SYNPO2: variants seen among roughly 807,000 people sequenced by gnomAD.
SYNPO2 encodes the protein synaptopodin-2.
SYNPO2 carries 56 observed loss-of-function variants against 85.0 expected under a neutral mutation model. The ratio of observed to expected loss-of-function variants is 0.66; its 90% confidence interval spans 0.53 to 0.82. The LOEUF (loss-of-function observed/expected upper bound fraction) is 0.82. SYNPO2 is among the 40% of genes least tolerant of loss of function. The pLI is 0.00. For synonymous variants in SYNPO2, 602 were observed against 591.1 expected, an observed-to-expected ratio of 1.02 and a Z score of -0.27; for missense variants, 1,575 against 1,534.2, an observed-to-expected ratio of 1.03 and a Z score of -0.44.
intron 4 of SYNPO2, among the ~76,000 whole-genome samples, chr4:119,051,438 G>A (rs1284120523): frequency 7.3e-5 from 11 of 151,710 alleles, no homozygotes; most frequent in African/African-American, 1.7e-4. Context: ...TGATCCGCCC[G>A]CCTCGGCCTC....
rs1439192014 is a variant in SYNPO2, at chr4:118,945,633, AC to A, written c.105+56494del. On this transcript the variant is annotated intron_variant, in intron 1 of 4. Coordinates refer to ENST00000307142, the MANE Select transcript of SYNPO2 (RefSeq NM_133477.3). The stretch of plus-strand genomic sequence containing the variant: ...CAAAGTTTCATAACACAACATACCT[AC>A]CTCAAAACTAGGGTACTATATACAT... Among the ~76,000 whole-genome samples the A allele has an allele frequency of 9.2e-5, 14 of 152,298 alleles. No individual in the cohort carries two copies. The South Asian group carries it at 1.2e-3, about 14-fold the overall frequency.
intron 1 of SYNPO2, among the ~76,000 whole-genome samples, chr4:119,017,833 G>A (rs1461317695): frequency 6.6e-6 from 1 of 152,122 alleles, no homozygotes; most frequent in African/African-American, 2.4e-5. Flanking sequence ...ACAAAATTTA[G>A]TTCTGACAGC....
At chr4:118,992,784 C>T (rs1452730263) in intron 1 of SYNPO2, among the ~76,000 whole-genome samples, 1 of 152,140 alleles carries the variant, frequency 6.6e-6, no homozygotes, top group African/African-American at 2.4e-5. Context: ...GAGATCCTGA[C>T]CTGGCTCAGC....
intron 1 of SYNPO2, among the ~76,000 whole-genome samples, chr4:118,863,312 T>G (rs1731644848): frequency 6.6e-6 from 1 of 152,218 alleles, no homozygotes; most frequent in African/African-American, 2.4e-5. Context: ...GGAGGACTTT[T>G]TATTATGGCT....
At chr4:118,996,178 C>T (rs1736587933) in intron 1 of SYNPO2, among the ~76,000 whole-genome samples, 1 of 152,168 alleles carries the variant, frequency 6.6e-6, no homozygotes, top group South Asian at 2.1e-4. Context: ...CTTTGGTTCC[C>T]AGGTCATTTC....
At chr4:119,017,251 T>C (rs773537542) in intron 1 of SYNPO2, among the ~76,000 whole-genome samples, 3 of 152,130 alleles carry the variant, frequency 2.0e-5, no homozygotes, top group Non-Finnish European at 2.9e-5. Flanking sequence ...AGGACTGAGG[T>C]TGGTGTTTAG....
intron 1 of SYNPO2, among the ~76,000 whole-genome samples, chr4:118,970,396 T>C (rs1735493827): frequency 6.6e-6 from 1 of 152,218 alleles, no homozygotes; most frequent in South Asian, 2.1e-4. Context: ...CTGATCAAGA[T>C]CTATGACACA....
At chr4:118,892,472 T>A (rs1732408330) in intron 1 of SYNPO2, among the ~76,000 whole-genome samples, 1 of 152,186 alleles carries the variant, frequency 6.6e-6, no homozygotes, top group South Asian at 2.1e-4. Context: ...TGTGTGCAGA[T>A]AGCTTTACAA....
At chr4:118,905,826 G>A (rs996685348) in intron 1 of SYNPO2, among the ~76,000 whole-genome samples, 3 of 152,136 alleles carry the variant, frequency 2.0e-5, no homozygotes, top group South Asian at 2.1e-4. Context: ...CTGGAGCCAC[G>A]GTGGCAAGGG....
chr4:119,030,063 G>A lies in SYNPO2; in HGVS notation c.1288G>A (p.Glu430Lys), dbSNP rs1561001878. The A allele has an allele frequency of 2.5e-6, 4 of 1,614,176 alleles. No homozygotes were observed. The highest frequency in any genetic ancestry group is 3.4e-6 in the Non-Finnish European group (4 of 1,180,032). ...EADEEEEGDK[E>K]DTCEVAFLGA... ...GGACGAGGAGGAAGAAGGTGACAAG[G>A]AGGATACATGTGAAGTAGCATTTCT... is the stretch of plus-strand genomic sequence containing the variant. Residue 430 changes from glutamate (E) to lysine (K), a missense_variant, in exon 4 of 5, where the codon GAG becomes AAG. Coordinates refer to ENST00000307142, the MANE Select transcript of SYNPO2 (RefSeq NM_133477.3).
chr4:118,884,246 C>T (rs115868750), upstream of SYNPO2, among the ~76,000 whole-genome samples: 1,446 of 152,318 alleles, frequency 9.5e-3, 9 homozygotes, highest in South Asian at 0.032. Flanking sequence ...CTGGCATACC[C>T]AGAAAGACAT....
At chr4:118,962,056 G>A (rs1008203209) in intron 1 of SYNPO2, among the ~76,000 whole-genome samples, 2 of 152,272 alleles carry the variant, frequency 1.3e-5, no homozygotes, top group Non-Finnish European at 2.9e-5. Flanking sequence ...CCCTGTGTTC[G>A]CTTTTGCTCC....
intron 1 of SYNPO2, among the ~76,000 whole-genome samples, chr4:118,917,402 C>G: frequency 6.6e-6 from 1 of 152,004 alleles, no homozygotes; most frequent in Admixed American, 6.5e-5. Context: ...GAACAGAAAA[C>G]AAACCAACCA....
chr4:118,881,621 A>T (rs577499203), intron 1 of SYNPO2, among the ~76,000 whole-genome samples: 56 of 152,326 alleles, frequency 3.7e-4, no homozygotes, highest in Non-Finnish European at 4.3e-4. Flanking sequence ...GCGTCCCCTT[A>T]CGACTGCGAG....
chr4:118,941,624 T>G (rs1246472962), intron 1 of SYNPO2, among the ~76,000 whole-genome samples: 1 of 152,204 alleles, frequency 6.6e-6, no homozygotes, highest in East Asian at 1.9e-4. Context: ...TCAGGGAAGC[T>G]TTTCTGGCCC....
At chr4:118,894,498 C>T (rs534673206) in intron 1 of SYNPO2, among the ~76,000 whole-genome samples, 27 of 151,748 alleles carry the variant, frequency 1.8e-4, no homozygotes, top group Middle Eastern at 3.4e-3. Context: ...CGTGGACTTG[C>T]TAGCCTGCCT....
In SYNPO2 at chr4:118,949,750, A is replaced by AAAAATAAAATAAAAT. The variant is rs76494884; in HGVS notation, c.105+60620_105+60634dup. ...GGCGACAGAGCAAGACTCTGTCTCA[A>AAAAATAAAATAAAAT]AAAATAAAATAAAATAAAATAAAAT... is the stretch of plus-strand genomic sequence containing the variant. On this transcript the variant is annotated intron_variant, in intron 1 of 4. Coordinates refer to ENST00000307142, the MANE Select transcript of SYNPO2 (RefSeq NM_133477.3). Among the ~76,000 whole-genome samples, 118 of 151,412 alleles carry AAAAATAAAATAAAAT rather than the reference A, an allele frequency of 7.8e-4. No homozygotes were observed. In the Middle Eastern group the frequency reaches 0.017, roughly 22 times the overall value.
At chr4:118,890,299 C>A (rs990710932) in intron 1 of SYNPO2, among the ~76,000 whole-genome samples, 2 of 151,908 alleles carry the variant, frequency 1.3e-5, no homozygotes, top group East Asian at 3.8e-4. Flanking sequence ...TTGCAAACAT[C>A]AAGAATGAAC....
intron 1 of SYNPO2, among the ~76,000 whole-genome samples, chr4:118,927,542 T>C (rs1578557393): frequency 1.3e-5 from 2 of 152,158 alleles, no homozygotes; most frequent in African/African-American, 4.8e-5. Flanking sequence ...ATTACCATGC[T>C]GTTTCCCAGG....
Sources: allele counts gnomAD v4.1 joint callset (sites outside exome capture counted in the v4.1 genomes callset), GRCh38; gene constraint gnomAD v4.1.1; transcripts MANE v1.5; gene names NCBI Gene and HGNC (gene_info 2026-07-23, HGNC 2026-07-21).